The following ANGPT1 variants were observed in gnomAD, a reference collection of about 807,000 sequenced individuals.
ANGPT1 encodes the protein angiopoietin-1.
Under a neutral mutation model 62.2 loss-of-function variants are expected in ANGPT1, and 17 were observed. That is an observed-to-expected ratio of 0.27 (90% CI 0.19 to 0.41). The LOEUF is 0.41. ANGPT1 is among the 10% of genes least tolerant of loss of function. ANGPT1 has a pLI of 1.00. For synonymous variants in ANGPT1, 199 were observed against 198.9 expected, an observed-to-expected ratio of 1.00 and a Z score of 0.00; for missense variants, 478 against 594.9, an observed-to-expected ratio of 0.80 and a Z score of 2.04.
chr8:107,441,507 T>C (rs968768574), intron 1 of ANGPT1, among the ~76,000 whole-genome samples: 9 of 152,178 alleles, frequency 5.9e-5, no homozygotes, highest in Non-Finnish European at 1.3e-4. Flanking sequence ...TAGGACTTTC[T>C]ATAATGTGGT....
intron 1 of ANGPT1, among the ~76,000 whole-genome samples, chr8:107,348,294 T>A (rs1815855911): frequency 6.6e-6 from 1 of 152,228 alleles, no homozygotes; most frequent in South Asian, 2.1e-4. Context: ...TCATAATCCA[T>A]AGTAAAATTA....
At chr8:107,349,130 A>ATAGATAGG (rs140203315) in intron 1 of ANGPT1, among the ~76,000 whole-genome samples, 1 of 150,008 alleles carries the variant, frequency 6.7e-6, no homozygotes, top group Non-Finnish European at 1.5e-5. Context: ...GATTAGATAG[A>ATAGATAGG]TAGATAGATA....
rs749037238 is a variant in ANGPT1, at chr8:107,251,883, G to A, written c.1469C>T (p.Thr490Ile). Reference sequence around the variant, plus strand: ...AAAATCTAAAGGTCGAATCATCATAGTTGTGGAACGTAAGGAGTAACTGGG... The same window carrying A: ...AAAATCTAAAGGTCGAATCATCATAATTGTGGAACGTAAGGAGTAACTGGG... Reference protein sequence around the residue: ...KGPSYSLRSTTMMIRPLDF With the variant: ...KGPSYSLRSTIMMIRPLDF Residue 490 changes from threonine (T) to isoleucine (I), a missense_variant, in exon 9 of 9, where the codon ACT (threonine) becomes ATT (isoleucine). Transcript: ENST00000517746. The A allele has an allele frequency of 2.6e-5, 42 of 1,613,924 alleles. No homozygotes were observed. In the East Asian group the frequency reaches 3.1e-4, roughly 12 times the overall value.
chr8:107,360,036 C>A (rs1373390444), intron 1 of ANGPT1, among the ~76,000 whole-genome samples: 1 of 152,106 alleles, frequency 6.6e-6, no homozygotes, highest in Non-Finnish European at 1.5e-5. Context: ...ACTCTGCTGC[C>A]CTCCATAGAC....
intron 5 of ANGPT1, among the ~76,000 whole-genome samples, chr8:107,299,745 A>G (rs1814524268): frequency 8.5e-6 from 1 of 117,786 alleles, no homozygotes; most frequent in Admixed American, 8.7e-5. Context: ...GATATACTAT[A>G]TATCTAGATA....
At chr8:107,389,088 T>C (rs1250800615) in intron 1 of ANGPT1, among the ~76,000 whole-genome samples, 1 of 152,186 alleles carries the variant, frequency 6.6e-6, no homozygotes, top group Non-Finnish European at 1.5e-5. Flanking sequence ...ATAGCCATGA[T>C]GACCCAGTAC....
At chr8:107,475,412 T>C (rs1812491260) in intron 1 of ANGPT1, among the ~76,000 whole-genome samples, 2 of 152,300 alleles carry the variant, frequency 1.3e-5, no homozygotes, top group South Asian at 2.1e-4. Flanking sequence ...GACCCCTTCC[T>C]TACACCTTAT....
At chr8:107,366,071 G>T (rs113437738) in intron 1 of ANGPT1, among the ~76,000 whole-genome samples, 1 of 152,176 alleles carries the variant, frequency 6.6e-6, no homozygotes, top group Non-Finnish European at 1.5e-5. Context: ...ACTTACTGTG[G>T]TCATAATGTT....
chr8:107,268,058 T>C (rs1031637502), intron 7 of ANGPT1, among the ~76,000 whole-genome samples: 2 of 152,072 alleles, frequency 1.3e-5, no homozygotes, highest in African/African-American at 4.8e-5. Context: ...CTTTTCACTT[T>C]TCTGTTTCCC....
chr8:107,333,604 G>A (rs983649179), intron 3 of ANGPT1, among the ~76,000 whole-genome samples: 4 of 151,938 alleles, frequency 2.6e-5, no homozygotes, highest in African/African-American at 9.7e-5. Flanking sequence ...TAATGAGAGG[G>A]GAAAGTTCAT....
chr8:107,492,563 TTCACC>T (rs1438892221), intron 1 of ANGPT1, among the ~76,000 whole-genome samples: 1 of 152,102 alleles, frequency 6.6e-6, no homozygotes, highest in Non-Finnish European at 1.5e-5. Flanking sequence ...TCTCGAACTC[TTCACC>T]TCAGGTGATC....
chr8:107,433,136 C>A (rs936213913), intron 1 of ANGPT1, among the ~76,000 whole-genome samples: 2 of 151,898 alleles, frequency 1.3e-5, no homozygotes, highest in Non-Finnish European at 2.9e-5. Context: ...GATCATTGCC[C>A]ATTTGGTGTG....
chr8:107,491,793 G>A (rs1166087143), intron 1 of ANGPT1, among the ~76,000 whole-genome samples: 8 of 152,144 alleles, frequency 5.3e-5, no homozygotes, highest in Admixed American at 3.9e-4. Flanking sequence ...AGTTGTAGGA[G>A]GATTTTAAGG....
At chr8:107,425,451 C>A (rs1283701) in intron 1 of ANGPT1, among the ~76,000 whole-genome samples, 55,419 of 151,916 alleles carry the variant, frequency 0.36, 11,505 homozygotes, top group African/African-American at 0.57. Context: ...TATGGAAGAG[C>A]CCCACATGTA....
chr8:107,296,354 T>TA (rs1814416314), intron 5 of ANGPT1, among the ~76,000 whole-genome samples: 1 of 151,912 alleles, frequency 6.6e-6, no homozygotes, highest in South Asian at 2.1e-4. Context: ...GATAAACAAA[T>TA]AGAGATGGAA....
intron 1 of ANGPT1, among the ~76,000 whole-genome samples, chr8:107,453,591 C>G (rs1309241369): frequency 4.6e-5 from 7 of 152,074 alleles, no homozygotes. Flanking sequence ...CACTGGATCC[C>G]TCCCACAACA....
chr8:107,451,542 A>G (rs187243822), intron 1 of ANGPT1, among the ~76,000 whole-genome samples: 2 of 152,092 alleles, frequency 1.3e-5, no homozygotes, highest in African/African-American at 4.8e-5. Flanking sequence ...ATCTATATCC[A>G]TATGGTGACA....
At chr8:107,346,660 T>C (rs778311798) in intron 2 of ANGPT1, among the ~76,000 whole-genome samples, 4 of 152,166 alleles carry the variant, frequency 2.6e-5, no homozygotes, top group Non-Finnish European at 4.4e-5. Flanking sequence ...ACACATATCA[T>C]ATCACAGTTG....
intron 4 of ANGPT1, among the ~76,000 whole-genome samples, chr8:107,318,286 A>C (rs1259298416): frequency 6.6e-6 from 1 of 152,216 alleles, no homozygotes. Flanking sequence ...TAAGAAGAGG[A>C]AAGTTTGGTG....
Sources: gnomAD v4.1 joint callset for allele counts (sites outside exome capture counted in the v4.1 genomes callset) on GRCh38, gnomAD v4.1.1 for gene constraint, MANE v1.5 for transcripts, NCBI Gene and HGNC (gene_info 2026-07-23, HGNC 2026-07-21) for gene names.